The following PRKCE variants were observed in gnomAD, a reference collection of about 807,000 sequenced individuals.
The protein encoded by PRKCE is protein kinase C epsilon type.
A neutral mutation model predicts 85.4 loss-of-function variants in PRKCE; 16 were observed. The ratio of observed to expected loss-of-function variants is 0.19; its 90% CI spans 0.13 to 0.28. The LOEUF (loss-of-function observed/expected upper bound fraction) is 0.28. PRKCE is among the 10% of genes least tolerant of loss of function. PRKCE has a pLI of 1.00. For missense variants in PRKCE, 573 were observed against 975.2 expected (o/e 0.59, Z 5.49); for synonymous variants, 388 against 371.5 (o/e 1.04, Z -0.51).
intron 2 of PRKCE, among the ~76,000 whole-genome samples, chr2:45,943,379 C>T (rs1700021015): frequency 6.6e-6 from 1 of 152,248 alleles, no homozygotes; most frequent in Non-Finnish European, 1.5e-5. Context: ...GCTCAGAGTA[C>T]ATCTGCCAAA....
At chr2:46,057,927 A>G (rs779824350) in intron 10 of PRKCE, among the ~76,000 whole-genome samples, 18 of 152,168 alleles carry the variant, frequency 1.2e-4, no homozygotes, top group Non-Finnish European at 1.6e-4. Context: ...GATTCTTTCT[A>G]CACTAACTGA....
At position 46,120,881 on chromosome 2, in the gene PRKCE, T is replaced by C. The variant is rs540686340; in HGVS notation, c.1593-24212T>C. Among the ~76,000 whole-genome samples, 21 of 152,352 alleles carry C rather than the reference T, an allele frequency of 1.4e-4. No homozygotes were observed. In the Middle Eastern group the frequency reaches 0.01, roughly 74 times the overall value. On this transcript the variant is annotated intron_variant, in intron 11 of 14. Transcript: ENST00000306156. Reference sequence around the variant, plus strand: ...ACTGTAAAAACTAGAATAGTCTGAATAGAATCCTGCCTTCTTACCGATGTA... The same window carrying C: ...ACTGTAAAAACTAGAATAGTCTGAACAGAATCCTGCCTTCTTACCGATGTA...
At position 45,786,949 on chromosome 2, in the gene PRKCE, C is replaced by G. The variant is rs1362019460; in HGVS notation, c.349-56051C>G. On this transcript the variant is annotated intron_variant, in intron 1 of 14. Coordinates refer to ENST00000306156, the MANE Select transcript of PRKCE (RefSeq NM_005400.3). This position sits in a 1 kb window ranked among gnomAD's most constrained non-coding sequence, Gnocchi z 5.3. Reference sequence around the variant, plus strand: ...AACCAGGAAGCTGGTGTTTCTCAAACTCGCCTGGTGAGTCACTTGAGGCTT... The same window carrying G: ...AACCAGGAAGCTGGTGTTTCTCAAAGTCGCCTGGTGAGTCACTTGAGGCTT... Among the ~76,000 whole-genome samples the G allele has an allele frequency of 6.6e-6, 1 of 152,248 alleles. No homozygotes were observed. Among genetic ancestry groups the G allele is most frequent in the Non-Finnish European group, 1.5e-5 (1 of 68,046 alleles).
intron 2 of PRKCE, among the ~76,000 whole-genome samples, chr2:45,960,321 T>C (rs2595199): frequency 0.95 from 144,041 of 152,298 alleles, 68,236 homozygotes; most frequent in East Asian, 1. Context: ...GTAGTGATAC[T>C]AATCGTGTAG....
At chr2:45,936,170 A>G (rs972154323) in intron 2 of PRKCE, among the ~76,000 whole-genome samples, 7 of 152,222 alleles carry the variant, frequency 4.6e-5, no homozygotes, top group African/African-American at 1.7e-4. Flanking sequence ...GACCCACTGA[A>G]GAATGAGCTA....
intron 11 of PRKCE, among the ~76,000 whole-genome samples, chr2:46,136,670 G>T (rs78111761): frequency 0.064 from 9,803 of 152,222 alleles, 1,022 homozygotes; most frequent in African/African-American, 0.21. Context: ...CTGAGAAGTT[G>T]AAGGGTCTGG....
intron 2 of PRKCE, among the ~76,000 whole-genome samples, chr2:45,893,515 C>G (rs1022252668): frequency 6.6e-6 from 1 of 151,928 alleles, no homozygotes; most frequent in African/African-American, 2.4e-5. Flanking sequence ...TTACAGGCAC[C>G]CGCCACCACA....
intron 10 of PRKCE, among the ~76,000 whole-genome samples, chr2:46,012,120 CT>C (rs1705733233): frequency 1.3e-5 from 2 of 152,064 alleles, no homozygotes; most frequent in Non-Finnish European, 2.9e-5. Context: ...TAACTTTCTT[CT>C]TTTTTCCACT....
At chr2:45,999,784 T>C (rs1456006537) in intron 6 of PRKCE, among the ~76,000 whole-genome samples, 1 of 152,198 alleles carries the variant, frequency 6.6e-6, no homozygotes, top group East Asian at 1.9e-4. Flanking sequence ...AATCCTTGGA[T>C]ATTTTTTCCA....
intron 2 of PRKCE, among the ~76,000 whole-genome samples, chr2:45,847,142 C>G (rs1221858706): frequency 6.6e-6 from 1 of 152,232 alleles, no homozygotes; most frequent in Non-Finnish European, 1.5e-5. Context: ...TATTGTCACT[C>G]CATTTATTCC....
chr2:45,687,089 T>C (rs573068711), intron 1 of PRKCE, among the ~76,000 whole-genome samples: 12 of 152,076 alleles, frequency 7.9e-5, no homozygotes, highest in African/African-American at 2.2e-4. Flanking sequence ...AAGAGAGAGA[T>C]TGATATATTA....
At position 45,907,683 on chromosome 2, in the gene PRKCE, G is replaced by C. The variant is rs549999738; in HGVS notation, c.412+64620G>C. Among the ~76,000 whole-genome samples, 13 of 152,164 alleles carry C rather than the reference G, an allele frequency of 8.5e-5. No individual in the cohort carries two copies. Among genetic ancestry groups the C allele is most frequent in the African/African-American group, 1.4e-4 (6 of 41,428 alleles). On this transcript the variant is annotated intron_variant, in intron 2 of 14. Coordinates refer to ENST00000306156, the MANE Select transcript of PRKCE (RefSeq NM_005400.3). The surrounding 1 kb of genome is among the most constrained non-coding windows in gnomAD (Gnocchi z 4.5). ...GGAGCATGAGCCCACATCTGCCGTG[G>C]CCACCTCTCCAAGGCCAAGTGGAGC...
chr2:45,836,512 C>A (rs1042524395), intron 1 of PRKCE, among the ~76,000 whole-genome samples: 1 of 152,216 alleles, frequency 6.6e-6, no homozygotes, highest in Admixed American at 6.5e-5. Context: ...TTTCCAAATG[C>A]AGAGCTGGGA....
At chr2:45,977,626 G>C (rs1319660967) in intron 3 of PRKCE, among the ~76,000 whole-genome samples, 1 of 147,732 alleles carries the variant, frequency 6.8e-6, no homozygotes, top group Non-Finnish European at 1.5e-5. Context: ...GTGACAGAGT[G>C]AGACTCTGTC....
chr2:45,855,398 C>G (rs1007159802), intron 2 of PRKCE, among the ~76,000 whole-genome samples: 1 of 152,170 alleles, frequency 6.6e-6, no homozygotes, highest in African/African-American at 2.4e-5. Context: ...AAATTTGAAC[C>G]TTGTTCCCAA....
At chr2:46,046,894 T>C (rs1708555254) in intron 10 of PRKCE, among the ~76,000 whole-genome samples, 1 of 152,210 alleles carries the variant, frequency 6.6e-6, no homozygotes, top group Admixed American at 6.5e-5. Context: ...GAGTGATCAT[T>C]GGTAGGACAG....
chr2:46,009,914 T>G (rs143133520), intron 9 of PRKCE, among the ~76,000 whole-genome samples: 1 of 151,944 alleles, frequency 6.6e-6, no homozygotes, highest in African/African-American at 2.4e-5. Flanking sequence ...TGGTGTACTG[T>G]AATTGTAAGT....
At chr2:45,943,238 C>G (rs1700010201) in intron 2 of PRKCE, among the ~76,000 whole-genome samples, 1 of 152,230 alleles carries the variant, frequency 6.6e-6, no homozygotes, top group Non-Finnish European at 1.5e-5. Flanking sequence ...CCAAAGCAGA[C>G]TAACATTCAT....
intron 11 of PRKCE, among the ~76,000 whole-genome samples, chr2:46,131,024 A>G (rs919159415): frequency 2.0e-5 from 3 of 152,248 alleles, no homozygotes; most frequent in Non-Finnish European, 2.9e-5. Context: ...GTAACTTACT[A>G]ATATTTCATC....
Sources: allele counts gnomAD v4.1 joint callset (sites outside exome capture counted in the v4.1 genomes callset), GRCh38; gene constraint gnomAD v4.1.1; non-coding constraint Gnocchi (gnomAD v3.1); transcripts MANE v1.5; gene names NCBI Gene and HGNC (gene_info 2026-07-23, HGNC 2026-07-21).